Variants in ADAMTS19 observed in about 807,000 individuals in gnomAD.
ADAMTS19 encodes the protein A disintegrin and metalloproteinase with thrombospondin motifs 19.
ADAMTS19 carries 93 observed loss-of-function variants against 153.3 expected under a neutral mutation model. The observed-to-expected ratio is 0.61, with a 90% CI of 0.51 to 0.72. ADAMTS19 has a LOEUF of 0.72. ADAMTS19 is among the 30% of genes least tolerant of loss of function. The pLI is 0.00. For synonymous variants in ADAMTS19, 600 were observed against 556.6 expected (o/e 1.08, Z -1.10); for missense variants, 1,482 against 1,552.1 (o/e 0.95, Z 0.76).
intron 16 of ADAMTS19, among the ~76,000 whole-genome samples, chr5:129,666,430 T>A (rs1183887891): frequency 2.6e-5 from 4 of 152,152 alleles, no homozygotes; most frequent in South Asian, 2.1e-4. Context: ...ACAAAAATAA[T>A]GTCCTCCCTA....
At chr5:129,466,974 A>C (rs543439153) in intron 2 of ADAMTS19, among the ~76,000 whole-genome samples, 3 of 152,190 alleles carry the variant, frequency 2.0e-5, no homozygotes, top group Non-Finnish European at 2.9e-5. Context: ...TAATTGTTTC[A>C]TTTCAAAATT....
At chr5:129,548,542 A>T (rs899480377) in intron 6 of ADAMTS19, among the ~76,000 whole-genome samples, 6 of 151,648 alleles carry the variant, frequency 4.0e-5, no homozygotes, top group African/African-American at 1.5e-4. Flanking sequence ...GCTGGAGAGG[A>T]TGTGGAGAAA....
chr5:129,593,573 G>T (rs1178158784), intron 7 of ADAMTS19, among the ~76,000 whole-genome samples: 1 of 151,786 alleles, frequency 6.6e-6, no homozygotes, highest in Non-Finnish European at 1.5e-5. Flanking sequence ...AAATTATCGG[G>T]CTCCCTCTAA....
At chr5:129,676,694 C>A in intron 16 of ADAMTS19, among the ~76,000 whole-genome samples, 1 of 152,218 alleles carries the variant, frequency 6.6e-6, no homozygotes, top group East Asian at 1.9e-4. Context: ...GTTATTCAAT[C>A]ATGGTGAAGA....
intron 6 of ADAMTS19, among the ~76,000 whole-genome samples, chr5:129,544,092 G>C (rs1752761331): frequency 6.6e-6 from 1 of 152,118 alleles, no homozygotes; most frequent in South Asian, 2.1e-4. Flanking sequence ...AGGAGAAACA[G>C]AGAACAATTT....
intron 2 of ADAMTS19, among the ~76,000 whole-genome samples, chr5:129,498,589 G>T (rs1427001325): frequency 2.0e-5 from 3 of 151,962 alleles, no homozygotes; most frequent in African/African-American, 7.2e-5. Flanking sequence ...GTACACCTTT[G>T]TGAACATAAA....
At position 129,641,754 on chromosome 5, in the gene ADAMTS19, A is replaced by T. The variant is rs559624423; in HGVS notation, c.1771-105A>T. ...ATTACCTAAAGCATATTTTTCTTCA[A>T]ATAATTTTTGTTATTCTATCAAAAT... On this transcript the variant is annotated intron_variant, in intron 10 of 22. Transcript: ENST00000274487. The T allele has an allele frequency of 6.2e-4, 357 of 573,146 alleles. 1 individual carries two copies. The highest frequency in any genetic ancestry group is 5.9e-3 in the African/African-American group (309 of 52,488). The allele number at this position is 573,146 out of a possible 1,614,324, so 35.5% of individuals were successfully genotyped here. A position where few individuals can be genotyped will look rare whatever the true frequency, so the allele number is the denominator to read the frequency against.
chr5:129,527,648 A>ATT, intron 4 of ADAMTS19, 100 bp from the exon 5 acceptor site: 1 of 283,756 alleles, frequency 3.5e-6, no homozygotes, highest in Non-Finnish European at 7.0e-6. Flanking sequence ...AAAAAAAAAG[A>ATT]TGTCTCAACT....
chr5:129,681,792 A>G (rs762214903), intron 17 of ADAMTS19, among the ~76,000 whole-genome samples: 37 of 152,112 alleles, frequency 2.4e-4, no homozygotes, highest in Non-Finnish European at 4.9e-4. Context: ...ATTGGATCCT[A>G]TTATTTAATT....
intron 7 of ADAMTS19, among the ~76,000 whole-genome samples, chr5:129,552,319 A>G (rs562052091): frequency 6.6e-6 from 1 of 152,010 alleles, no homozygotes; most frequent in Admixed American, 6.6e-5. Context: ...ATAAACTGCT[A>G]GATTCAGTAT....
intron 2 of ADAMTS19, among the ~76,000 whole-genome samples, chr5:129,478,432 G>A (rs1750296733): frequency 6.6e-6 from 1 of 152,154 alleles, no homozygotes; most frequent in Non-Finnish European, 1.5e-5. Flanking sequence ...TCTATATTAT[G>A]TCAGTGGTGG....
chr5:129,603,878 A>G (rs1750775692), intron 8 of ADAMTS19, among the ~76,000 whole-genome samples: 1 of 152,242 alleles, frequency 6.6e-6, no homozygotes, highest in African/African-American at 2.4e-5. Context: ...GTTATTAATT[A>G]CAGTGCTCTG....
Position 129,647,883 on chromosome 5 carries a change from G to A in ADAMTS19, c.1991G>A (p.Arg664His), listed in dbSNP as rs373980646. The change falls in exon 12 of 23, where the codon CGC becomes CAC. Residue 664 changes from arginine (R) to histidine (H), a missense_variant. By Grantham distance (29) the Arg-to-His change is conservative (BLOSUM62 0). This residue lies in a region of ADAMTS19 where 616 missense variants were observed against 724.4 expected (regional missense o/e 0.85). Coordinates refer to ENST00000274487, the MANE Select transcript of ADAMTS19 (RefSeq NM_133638.6). ...TCSAGISSRE[R>H]KCPGLDSEAR... is the part of the protein sequence containing the mutation. ...AGTGCTGGGATCAGCAGTCGAGAGC[G>A]CAAATGTCCTGGGTAAACTCAAAGT... 44 of 1,612,348 alleles carry A rather than the reference G, an allele frequency of 2.7e-5. No homozygotes were observed. The highest frequency in any genetic ancestry group is 3.2e-5 in the Non-Finnish European group (38 of 1,178,900).
At chr5:129,667,884 T>C (rs978603728) in intron 16 of ADAMTS19, among the ~76,000 whole-genome samples, 1 of 152,226 alleles carries the variant, frequency 6.6e-6, no homozygotes, top group Non-Finnish European at 1.5e-5. Context: ...AAACCTCTTC[T>C]TCCTTTGGTG....
At chr5:129,706,002 G>A (rs190329023) in intron 21 of ADAMTS19, among the ~76,000 whole-genome samples, 4 of 152,142 alleles carry the variant, frequency 2.6e-5, no homozygotes, top group Admixed American at 6.5e-5. Context: ...AGGAGGTTTT[G>A]GTTACATGGA....
intron 8 of ADAMTS19, among the ~76,000 whole-genome samples, chr5:129,606,068 G>A (rs966743363): frequency 6.6e-6 from 1 of 152,132 alleles, no homozygotes; most frequent in African/African-American, 2.4e-5. Context: ...CAATTCAGGA[G>A]TTTCTTTGGA....
intron 21 of ADAMTS19, among the ~76,000 whole-genome samples, chr5:129,723,719 T>G (rs1331194351): frequency 6.6e-6 from 1 of 152,178 alleles, no homozygotes; most frequent in African/African-American, 2.4e-5. Flanking sequence ...GTAAAATATT[T>G]AAAGAGATTT....
intron 6 of ADAMTS19, 35 bp from the exon 7 acceptor site, chr5:129,551,829 T>G: frequency 7.2e-7 from 1 of 1,395,418 alleles, no homozygotes; most frequent in Non-Finnish European, 9.9e-7. Context: ...ACAAAATAAT[T>G]TATCTTTATT....
At chr5:129,578,696 G>T (rs549779410) in intron 7 of ADAMTS19, among the ~76,000 whole-genome samples, 1 of 152,084 alleles carries the variant, frequency 6.6e-6, no homozygotes, top group Admixed American at 6.5e-5. Flanking sequence ...GTGGTATTTG[G>T]ATTTCTGTTC....
Sources: gnomAD v4.1 joint callset for allele counts (sites outside exome capture counted in the v4.1 genomes callset) on GRCh38, gnomAD v4.1.1 for gene constraint, gnomAD v4.1.1 regional missense constraint, MANE v1.5 for transcripts, NCBI Gene and HGNC (gene_info 2026-07-23, HGNC 2026-07-21) for gene names.